Variants in AFF1 observed in about 807,000 individuals in gnomAD.
AFF1 encodes the protein AF4/FMR2 family member 1.
A neutral mutation model predicts 121.7 loss-of-function variants in AFF1; 48 were observed. The observed-to-expected ratio is 0.39, with a 90% CI of 0.31 to 0.50. AFF1 has a LOEUF of 0.50. Ranked by LOEUF, AFF1 falls within the 20% of genes least tolerant of loss-of-function variation. The pLI is 0.76. For synonymous variants in AFF1, 613 were observed against 563.0 expected (o/e 1.09, Z -1.26); for missense variants, 1,523 against 1,511.7 (o/e 1.01, Z -0.12).
At chr4:87,110,330 G>T (rs895313089) in intron 11 of AFF1, among the ~76,000 whole-genome samples, 2 of 151,762 alleles carry the variant, frequency 1.3e-5, no homozygotes, top group African/African-American at 4.8e-5. Context: ...TTTATTCTTT[G>T]TATTACAAAC....
intron 2 of AFF1, among the ~76,000 whole-genome samples, chr4:87,019,887 G>GGGTGGGGGGA (rs58095717): frequency 7.2e-6 from 1 of 138,684 alleles, no homozygotes; most frequent in African/African-American, 2.7e-5. Flanking sequence ...AAGGGGTCGG[G>GGGTGGGGGGA]GGGGGGCAGT....
At chr4:87,093,406 A>G (rs548922024) in intron 7 of AFF1, among the ~76,000 whole-genome samples, 6 of 152,366 alleles carry the variant, frequency 3.9e-5, no homozygotes, top group Non-Finnish European at 7.3e-5. Context: ...GCTTTCAGTG[A>G]AGAGAAGACA....
chr4:87,054,947 G>A (rs1405142439), intron 4 of AFF1, among the ~76,000 whole-genome samples: 1 of 151,966 alleles, frequency 6.6e-6, no homozygotes, highest in East Asian at 1.9e-4. Context: ...GAGAATTTAG[G>A]AAAAAAATCA....
chr4:86,965,106 A>T (rs1722443315), intron 2 of AFF1, among the ~76,000 whole-genome samples: 1 of 152,246 alleles, frequency 6.6e-6, no homozygotes, highest in Non-Finnish European at 1.5e-5. Flanking sequence ...TTACTCTGTT[A>T]CTAATGGGTT....
intron 12 of AFF1, among the ~76,000 whole-genome samples, chr4:87,121,652 T>C (rs342436): frequency 0.18 from 27,686 of 152,258 alleles, 2,766 homozygotes; most frequent in Middle Eastern, 0.3. Context: ...AAGGGGACTT[T>C]TGCTTTATTT....
intron 1 of AFF1, chr4:86,935,720 C>T (rs549228424): frequency 1.3e-5 from 2 of 152,166 alleles, no homozygotes; most frequent in South Asian, 2.1e-4. Flanking sequence ...GAGGGCTTCC[C>T]GCCGCGTCTC....
intron 2 of AFF1, among the ~76,000 whole-genome samples, chr4:86,966,889 C>A (rs1722574336): frequency 6.6e-6 from 1 of 152,188 alleles, no homozygotes; most frequent in South Asian, 2.1e-4. Flanking sequence ...GAGTTTGATT[C>A]CCTTAGTGTG....
intron 2 of AFF1, among the ~76,000 whole-genome samples, chr4:87,029,618 T>C (rs994306791): frequency 3.3e-5 from 5 of 152,136 alleles, no homozygotes; most frequent in African/African-American, 7.2e-5. Flanking sequence ...GCCTTGGGAG[T>C]TCTTACTCCC....
In AFF1 at chr4:87,046,749, G is replaced by A. The variant is rs772634363; in HGVS notation, c.214G>A (p.Glu72Lys). ...AATACAGAACATGTTGGGAAACTAC[G>A]AAGAAGTGAAGGAGTTCCTTAGTAC... ...SRIQNMLGNY[E>K]EVKEFLSTKS... The change falls in exon 4 of 21, where the codon GAA (glutamate) becomes AAA (lysine). Residue 72 changes from glutamate (E) to lysine (K), a missense_variant. Coordinates refer to ENST00000395146, the MANE Select transcript of AFF1 (RefSeq NM_001166693.3). The A allele has an allele frequency of 1.9e-6, 3 of 1,614,080 alleles. No individual in the cohort carries two copies. The highest frequency in any genetic ancestry group is 1.1e-5 in the South Asian group (1 of 91,078).
chr4:87,063,531 G>A (rs539408529), intron 4 of AFF1, among the ~76,000 whole-genome samples: 3 of 152,146 alleles, frequency 2.0e-5, no homozygotes, highest in Non-Finnish European at 2.9e-5. Context: ...GAGCCACCGC[G>A]CCCGGCCAGA....
chr4:87,127,570 C>G, intron 15 of AFF1, 73 bp from the exon 16 acceptor site: 1 of 1,424,290 alleles, frequency 7.0e-7, no homozygotes, highest in Non-Finnish European at 9.9e-7. Context: ...CTTTTTCACT[C>G]TTGGTCTTAT....
At chr4:86,951,608 CT>C (rs1344583304) in intron 2 of AFF1, among the ~76,000 whole-genome samples, 1 of 111,060 alleles carries the variant, frequency 9.0e-6, no homozygotes, top group East Asian at 2.5e-4. Flanking sequence ...TTTTCTTTTT[CT>C]TTTTTCTTTT....
intron 2 of AFF1, among the ~76,000 whole-genome samples, chr4:87,008,229 T>A (rs1437319705): frequency 6.6e-6 from 1 of 152,194 alleles, no homozygotes; most frequent in Non-Finnish European, 1.5e-5. Context: ...TAGAAAGCAG[T>A]TTGGTCTCAC....
At chr4:87,020,308 TAAG>T (rs1034647882) in intron 2 of AFF1, among the ~76,000 whole-genome samples, 2 of 152,226 alleles carry the variant, frequency 1.3e-5, no homozygotes, top group African/African-American at 4.8e-5. Flanking sequence ...CACGACCATG[TAAG>T]AAAGAACGTA....
chr4:87,046,766 C>A lies in AFF1; in HGVS notation c.231C>A (p.Phe77Leu), dbSNP rs773698577. 6.2e-7 allele frequency: 1 copy of A among 1,613,984 alleles called. No homozygotes were observed. The highest frequency in any genetic ancestry group is 1.7e-5 in the Admixed American group (1 of 60,006). Residue 77 changes from phenylalanine (F) to leucine (L), a missense_variant, in exon 4 of 21, where the codon TTC becomes TTA. Physicochemically the swap from Phe to Leu is conservative, Grantham distance 22. This residue lies in a region of AFF1 where 369 missense variants were observed against 367.2 expected (regional missense o/e 1.00). Transcript: ENST00000395146. ...GAAACTACGAAGAAGTGAAGGAGTT[C>A]CTTAGTACTAAGTCTCACACTCATC... is the stretch of plus-strand genomic sequence containing the variant. Reference protein sequence around the residue: ...MLGNYEEVKEFLSTKSHTHRL... With the variant: ...MLGNYEEVKELLSTKSHTHRL...
At chr4:87,003,902 A>C (rs910817466) in intron 2 of AFF1, among the ~76,000 whole-genome samples, 2 of 152,252 alleles carry the variant, frequency 1.3e-5, no homozygotes, top group African/African-American at 4.8e-5. Flanking sequence ...ATGAAAATAA[A>C]TGTTGGCCAA....
intron 2 of AFF1, among the ~76,000 whole-genome samples, chr4:87,027,188 G>A (rs551896871): frequency 6.6e-5 from 10 of 152,322 alleles, no homozygotes; most frequent in African/African-American, 2.2e-4. Context: ...TCCCAGGTGG[G>A]AATCTGAAAC....
In AFF1 at chr4:87,115,275, A is replaced by G. The variant is rs1256615091; in HGVS notation, c.2442A>G (p.Ser814=). 1 of 1,607,220 alleles carries G rather than the reference A, an allele frequency of 6.2e-7. No individual in the cohort carries two copies. Among genetic ancestry groups the G allele is most frequent in the African/African-American group, 1.3e-5 (1 of 74,672 alleles). Residue 814 remains serine, a synonymous_variant, in exon 12 of 21, where the codon TCA becomes TCG. Transcript: ENST00000395146. ...CTGAGAAGAGGAGCTCAGACAGCTCAAGCAAGTTGGCCAAAAAGAGAAAGG... is the reference window on the plus strand; with the variant it reads ...CTGAGAAGAGGAGCTCAGACAGCTCGAGCAAGTTGGCCAAAAAGAGAAAGG... ...HSSEKRSSDS[S]SKLAKKRKGE...
rs1730839470 is a variant in AFF1 at position 87,047,559 on chromosome 4, C to A, written c.1024C>A (p.Leu342Ile). 6.2e-7 allele frequency: 1 copy of A among 1,614,198 alleles called. No homozygotes were observed. ...CTTGAAAGTGCCTGCCAAAGCCAAG[C>A]TCACCAAACTGAAGATGCCTTCTCA... ...TDLKVPAKAK[L>I]TKLKMPSQSV... The change falls in exon 4 of 21, where the codon CTC (leucine) becomes ATC (isoleucine). Residue 342 changes from leucine (L) to isoleucine (I), a missense_variant. By Grantham distance (5) the Leu-to-Ile change is conservative. Transcript: ENST00000395146.
Sources: gnomAD v4.1 joint callset for allele counts (sites outside exome capture counted in the v4.1 genomes callset) on GRCh38, gnomAD v4.1.1 for gene constraint, gnomAD v4.1.1 regional missense constraint, MANE v1.5 for transcripts, NCBI Gene and HGNC (gene_info 2026-07-23, HGNC 2026-07-21) for gene names.